The following DPP6 variants were observed in gnomAD, a reference collection of about 807,000 sequenced individuals.
The protein encoded by DPP6 is dipeptidyl peptidase like 6, also known as A-type potassium channel modulatory protein DPP6.
Under a neutral mutation model 122.6 loss-of-function variants are expected in DPP6, and 69 were observed. The ratio of observed to expected loss-of-function variants is 0.56; its 90% CI spans 0.46 to 0.69. The LOEUF is 0.69. Ranked by LOEUF, DPP6 falls within the 30% of genes least tolerant of loss-of-function variation. DPP6 has a pLI of 0.00. For missense variants in DPP6, 928 were observed against 1,116.9 expected (o/e 0.83, Z 2.41); for synonymous variants, 418 against 433.1 (o/e 0.97, Z 0.43).
chr7:153,805,440 G>C, the DPP6 span, among the ~76,000 whole-genome samples: 2 of 152,188 alleles, frequency 1.3e-5, no homozygotes, highest in Non-Finnish European at 2.9e-5. Flanking sequence ...AGTTTTGAAA[G>C]AGTGGCAACG....
intron 1 of DPP6, among the ~76,000 whole-genome samples, chr7:154,080,651 C>G (rs182172846): frequency 6.6e-6 from 1 of 152,174 alleles, no homozygotes; most frequent in Non-Finnish European, 1.5e-5. Context: ...AAGGTCATAC[C>G]TCCGTCTGTA....
chr7:154,656,293 G>A (rs1837240328), intron 6 of DPP6, among the ~76,000 whole-genome samples: 1 of 4,756 alleles, frequency 2.1e-4, no homozygotes. Context: ...GGGAGGTCGG[G>A]GGAGAGCTGG....
intron 7 of DPP6, among the ~76,000 whole-genome samples, chr7:154,673,497 A>G (rs932733404): frequency 6.6e-6 from 1 of 152,098 alleles, no homozygotes; most frequent in Non-Finnish European, 1.5e-5. Flanking sequence ...TAATGACTGC[A>G]GGGGGAGTGG....
chr7:153,760,898 T>G, the DPP6 span, among the ~76,000 whole-genome samples: 10 of 152,120 alleles, frequency 6.6e-5, no homozygotes, highest in African/African-American at 2.4e-4. Context: ...TCAGCAGATC[T>G]CCAAAGCTCT....
At chr7:154,835,573 C>T (rs574307121) in intron 16 of DPP6, among the ~76,000 whole-genome samples, 1 of 152,160 alleles carries the variant, frequency 6.6e-6, no homozygotes, top group Non-Finnish European at 1.5e-5. Flanking sequence ...GAGCAGTGGA[C>T]CCCAAAGTGT....
chr7:154,199,173 T>G (rs1229310161), intron 1 of DPP6, among the ~76,000 whole-genome samples: 3 of 152,094 alleles, frequency 2.0e-5, no homozygotes, highest in Non-Finnish European at 4.4e-5. Context: ...GTCAGGAGTT[T>G]CAAATGCCCA....
chr7:153,793,927 G>A, the DPP6 span, among the ~76,000 whole-genome samples: 1 of 152,244 alleles, frequency 6.6e-6, no homozygotes, highest in East Asian at 1.9e-4. Flanking sequence ...ACTTGGTGTT[G>A]AGCCGGCAGG....
intron 1 of DPP6, among the ~76,000 whole-genome samples, chr7:154,345,303 T>C (rs1563517941): frequency 2.0e-5 from 3 of 152,110 alleles, no homozygotes; most frequent in African/African-American, 4.8e-5. Context: ...CTTCCCAAGG[T>C]CTTACCACCT....
intron 1 of DPP6, among the ~76,000 whole-genome samples, chr7:154,407,606 T>C (rs1816227221): frequency 6.6e-6 from 1 of 152,236 alleles, no homozygotes; most frequent in African/African-American, 2.4e-5. Context: ...ACAGTTCATT[T>C]TCCTTTTGAA....
chr7:154,455,773 G>A (rs1027143581), intron 2 of DPP6, among the ~76,000 whole-genome samples: 1 of 152,266 alleles, frequency 6.6e-6, no homozygotes, highest in South Asian at 2.1e-4. Context: ...TATAAGCTAA[G>A]GCAAATGGGT....
At chr7:154,852,269 A>G (rs1002814850) in intron 16 of DPP6, among the ~76,000 whole-genome samples, 1 of 152,136 alleles carries the variant, frequency 6.6e-6, no homozygotes, top group Non-Finnish European at 1.5e-5. Context: ...TGCCCAAGAT[A>G]GTGTGCATGC....
intron 1 of DPP6, among the ~76,000 whole-genome samples, chr7:154,176,641 C>G (rs779401256): frequency 2.6e-5 from 4 of 152,154 alleles, no homozygotes; most frequent in Non-Finnish European, 5.9e-5. Context: ...TCTGATCTTG[C>G]AAATCTCAAG....
intron 8 of DPP6, among the ~76,000 whole-genome samples, chr7:154,749,950 G>A (rs531246541): frequency 2.4e-3 from 317 of 134,420 alleles, no homozygotes; most frequent in African/African-American, 6.8e-3. Flanking sequence ...AGCATAGGAC[G>A]GGAAAGAGAG....
chr7:154,093,948 C>T (rs1341267536), intron 1 of DPP6: 1 of 152,064 alleles, frequency 6.6e-6, no homozygotes, highest in East Asian at 1.9e-4. Context: ...CATGTTTGGG[C>T]CAAGGGTGTT....
chr7:154,809,313 G>A (rs1441411089), intron 16 of DPP6, among the ~76,000 whole-genome samples: 2 of 152,000 alleles, frequency 1.3e-5, no homozygotes, highest in African/African-American at 4.8e-5. Flanking sequence ...GTTAGGAGGT[G>A]CCAAGGAGTG....
chr7:153,952,329 C>T lies in DPP6; in HGVS notation c.51+64595C>T, dbSNP rs368620465. Among the ~76,000 whole-genome samples, 35 of 152,340 alleles carry T rather than the reference C, an allele frequency of 2.3e-4. No individual in the cohort carries two copies. The South Asian group carries it at 5.6e-3, about 24-fold the overall frequency. On this transcript the variant is annotated intron_variant, in intron 1 of 25. Transcript: ENST00000404039. ...ATTGTGAAATAGACATTTTCATTCC[C>T]ATTTCACAGAGGATTAAACTAAGGC...
intron 1 of DPP6, among the ~76,000 whole-genome samples, chr7:154,076,590 A>C (rs1803567738): frequency 6.6e-6 from 1 of 150,764 alleles, no homozygotes; most frequent in Admixed American, 6.6e-5. Context: ...TTTTATTTTG[A>C]AAATGAAAAG....
chr7:154,346,135 T>C (rs1218401271), intron 1 of DPP6, among the ~76,000 whole-genome samples: 2 of 152,132 alleles, frequency 1.3e-5, no homozygotes, highest in African/African-American at 4.8e-5. Context: ...CCCCTCTGAA[T>C]TTTCCAATGG....
chr7:154,706,742 C>A (rs919036581), intron 7 of DPP6, among the ~76,000 whole-genome samples: 2 of 152,210 alleles, frequency 1.3e-5, no homozygotes, highest in African/African-American at 4.8e-5. Context: ...ATTTTGAGAA[C>A]TTTTTCTCAG....
Sources: allele counts gnomAD v4.1 joint callset (sites outside exome capture counted in the v4.1 genomes callset), GRCh38; gene constraint gnomAD v4.1.1; transcripts MANE v1.5; gene names NCBI Gene and HGNC (gene_info 2026-07-23, HGNC 2026-07-21).